Variants in PCDHA6 observed in about 807,000 individuals in gnomAD.
PCDHA6 encodes the protein protocadherin alpha-6.
PCDHA6 carries 55 observed loss-of-function variants against 60.3 expected under a neutral mutation model. That is an observed-to-expected ratio of 0.91 (90% CI 0.73 to 1.14). PCDHA6 has a LOEUF of 1.14. PCDHA6 is among the 50% of genes most tolerant of loss of function. The probability of loss-of-function intolerance (pLI) is 0.00; values close to 1 mark genes in which losing one functional copy is unlikely to be tolerated. For missense variants in PCDHA6, 1,327 were observed against 1,256.5 expected, an observed-to-expected ratio of 1.06 and a Z score of -0.85; for synonymous variants, 652 against 557.9, an observed-to-expected ratio of 1.17 and a Z score of -2.38.
intron 1 of PCDHA6, among the ~76,000 whole-genome samples, chr5:140,888,153 G>A (rs2061714988): frequency 6.6e-6 from 1 of 152,056 alleles, no homozygotes; most frequent in African/African-American, 2.4e-5. Context: ...TTGCATGACT[G>A]GTAATCTCTA....
At position 140,827,993 on chromosome 5, in the gene PCDHA6, G is replaced by A. The variant is rs1554130961; in HGVS notation, c.-99G>A. ...ATCATTCCCTGACTGTTGAATGATG[G>A]CGGACGCAGAAGAAATGGATTAATA... On this transcript the variant is annotated 5_prime_UTR_variant, in exon 1 of 4. Transcript: ENST00000529310. The A allele has an allele frequency of 1.4e-6, 2 of 1,474,758 alleles. No homozygotes were observed. The highest frequency in any genetic ancestry group is 1.8e-6 in the Non-Finnish European group (2 of 1,097,908). 91.4% of individuals were successfully genotyped at this position (1,474,758 alleles called of 1,614,324 possible).
intron 1 of PCDHA6, among the ~76,000 whole-genome samples, chr5:140,840,298 T>C (rs1378373140): frequency 6.6e-6 from 1 of 152,042 alleles, no homozygotes; most frequent in African/African-American, 2.4e-5. Context: ...ATTGATTAGA[T>C]ATTCTTTTAA....
chr5:140,900,644 C>G (rs1554189317), intron 1 of PCDHA6, among the ~76,000 whole-genome samples: 1 of 152,180 alleles, frequency 6.6e-6, no homozygotes. Context: ...ATTGTGAACA[C>G]TGCTGCAATG....
rs1554168487 is a variant in PCDHA6 at position 140,876,335 on chromosome 5, G to A, written c.2394+45850G>A. ...GGGATCAAAATGATTTTGCCAGTGA[G>A]TGAGAAATGTATGTTTTCAATAAAT... On this transcript the variant is annotated intron_variant, in intron 1 of 3. Transcript: ENST00000529310. 3 of 1,614,034 alleles carry A rather than the reference G, an allele frequency of 1.9e-6. No individual in the cohort carries two copies. The highest frequency in any genetic ancestry group is 4.5e-5 in the East Asian group (2 of 44,894).
chr5:140,882,226 G>T, intron 1 of PCDHA6: 1 of 1,564,150 alleles, frequency 6.4e-7, no homozygotes, highest in Admixed American at 1.9e-5. Context: ...GAGGTAAGGC[G>T]TTGTATATAT....
rs2098422568 is a variant in PCDHA6 at position 141,011,988 on chromosome 5, C to A, written c.*2051C>A. ...AAACTGTCTTGTCTACTTTTAGCTTCATTCTCCCATATTTTGAAGGGTGTG... is the reference window on the plus strand; with the variant it reads ...AAACTGTCTTGTCTACTTTTAGCTTAATTCTCCCATATTTTGAAGGGTGTG... On this transcript the variant is annotated 3_prime_UTR_variant, in exon 4 of 4. Coordinates refer to ENST00000529310, the MANE Select transcript of PCDHA6 (RefSeq NM_018909.4). 6.5e-6 allele frequency: 1 copy of A among 153,688 alleles called. No individual in the cohort carries two copies. The highest frequency in any genetic ancestry group is 2.4e-5 in the African/African-American group (1 of 41,434). 9.5% of individuals were successfully genotyped at this position (153,688 alleles called of 1,614,324 possible). A position where few individuals can be genotyped will look rare whatever the true frequency, so the allele number is the denominator to read the frequency against.
intron 1 of PCDHA6, chr5:140,869,196 C>G (rs2050913789): frequency 6.2e-7 from 1 of 1,614,030 alleles, no homozygotes; most frequent in Non-Finnish European, 8.5e-7. Flanking sequence ...GCGGCCAGCT[C>G]CACTACTCCG....
At position 140,857,364 on chromosome 5, in the gene PCDHA6, G is replaced by A. The variant is rs1464300143; in HGVS notation, c.2394+26879G>A. The A allele has an allele frequency of 2.5e-6, 4 of 1,598,296 alleles. No individual in the cohort carries two copies. In the East Asian group the frequency reaches 8.9e-5, roughly 36 times the overall value. On this transcript the variant is annotated intron_variant, in intron 1 of 3. Coordinates refer to ENST00000529310, the MANE Select transcript of PCDHA6 (RefSeq NM_018909.4). ...TCGCCTCCGCTGTGGGCCACGGCCA[G>A]CGTGTCTGTGGAGGTGGCCGACGTG...
chr5:140,834,060 A>G (rs1554134035), intron 1 of PCDHA6, among the ~76,000 whole-genome samples: 1 of 152,232 alleles, frequency 6.6e-6, no homozygotes, highest in Admixed American at 6.5e-5. Flanking sequence ...TCTAACAATC[A>G]TGAGAAATGC....
chr5:140,849,774 G>T (rs2150449369), intron 1 of PCDHA6: 2 of 1,598,482 alleles, frequency 1.3e-6, no homozygotes, highest in East Asian at 4.5e-5. Context: ...GGTGGTTACC[G>T]CGCGGGACGG....
At chr5:140,884,385 C>A (rs1554181508) in intron 1 of PCDHA6, 1 of 1,613,992 alleles carries the variant, frequency 6.2e-7, no homozygotes, top group Non-Finnish European at 8.5e-7. Context: ...GCCATCTGCG[C>A]GGTGTCCAGC....
chr5:140,908,763 G>A (rs1159029668), intron 1 of PCDHA6, among the ~76,000 whole-genome samples: 5 of 152,284 alleles, frequency 3.3e-5, no homozygotes, highest in East Asian at 3.9e-4. Context: ...CAGCCTGGAC[G>A]TGTTGTAGAG....
chr5:140,924,915 AT>A (rs1554202358), intron 1 of PCDHA6, among the ~76,000 whole-genome samples: 19 of 127,348 alleles, frequency 1.5e-4, no homozygotes, highest in African/African-American at 5.1e-4. Context: ...ATAAAATAAA[AT>A]AAAATAAAAT....
chr5:140,870,854 T>G, intron 1 of PCDHA6: 4 of 1,613,784 alleles, frequency 2.5e-6, no homozygotes, highest in Non-Finnish European at 3.4e-6. Flanking sequence ...CCGCGGTCGG[T>G]GGGTGCGGGC....
chr5:140,881,269 GAAGT>G (rs1235494766), intron 1 of PCDHA6: 1 of 648,656 alleles, frequency 1.5e-6, no homozygotes, highest in African/African-American at 2.0e-5. Context: ...CAGTGATGAT[GAAGT>G]AAGATGGAGA....
intron 1 of PCDHA6, among the ~76,000 whole-genome samples, chr5:140,839,385 TG>T (rs1562376337): frequency 1.3e-5 from 2 of 151,834 alleles, no homozygotes; most frequent in South Asian, 2.1e-4. Context: ...ATTATTATGA[TG>T]ATGATGATGA....
At chr5:140,839,740 A>G (rs1357885958) in intron 1 of PCDHA6, among the ~76,000 whole-genome samples, 2 of 152,020 alleles carry the variant, frequency 1.3e-5, no homozygotes, top group South Asian at 4.1e-4. Flanking sequence ...AAATACCCTT[A>G]TTTGCCTTTC....
intron 1 of PCDHA6, chr5:140,850,189 T>C: frequency 6.3e-7 from 1 of 1,593,496 alleles, no homozygotes; most frequent in South Asian, 1.1e-5. Flanking sequence ...GCGCCGGCGC[T>C]GCTGACACCT....
At chr5:140,830,746 G>T in intron 1 of PCDHA6, 1 of 191,342 alleles carries the variant, frequency 5.2e-6, no homozygotes, top group Non-Finnish European at 1.1e-5. Context: ...GTCGTTTTCT[G>T]TTGCATTTTA....
Sources: gnomAD v4.1 joint callset for allele counts (sites outside exome capture counted in the v4.1 genomes callset) on GRCh38, gnomAD v4.1.1 for gene constraint, MANE v1.5 for transcripts, NCBI Gene and HGNC (gene_info 2026-07-23, HGNC 2026-07-21) for gene names.